Variants in TENM1 observed in about 807,000 individuals in gnomAD.
The protein encoded by TENM1 is teneurin-1.
A neutral mutation model predicts 174.8 loss-of-function variants in TENM1; 35 were observed. The ratio of observed to expected loss-of-function variants is 0.20; its 90% CI spans 0.15 to 0.27. TENM1 has a LOEUF of 0.27. Ranked by LOEUF, TENM1 falls within the 10% of genes least tolerant of loss-of-function variation. The probability of loss-of-function intolerance (pLI) is 1.00; values close to 1 mark genes in which losing one functional copy is unlikely to be tolerated. For synonymous variants in TENM1, 781 were observed against 798.7 expected (o/e 0.98, Z 0.37); for missense variants, 1,633 against 2,130.1 (o/e 0.77, Z 4.59).
At chrX:125,201,240 C>T in the TENM1 span, among the ~76,000 whole-genome samples, 1 of 112,285 alleles carries the variant, frequency 8.9e-6, no homozygotes, top group African/African-American at 3.2e-5. Context: ...GTTATTTACA[C>T]ATATAATAGC....
intron 18 of TENM1, among the ~76,000 whole-genome samples, chrX:124,510,322 A>G (rs1200860381): frequency 1.8e-5 from 2 of 112,658 alleles, no homozygotes; most frequent in African/African-American, 3.2e-5. Flanking sequence ...CTAAGGGGGA[A>G]GACCCGCAAT....
chrX:124,678,142 G>A (rs1184896290), intron 5 of TENM1, among the ~76,000 whole-genome samples: 1 of 110,784 alleles, frequency 9.0e-6, no homozygotes, highest in African/African-American at 3.3e-5. Flanking sequence ...ACCATGGCAG[G>A]TGTATTTACA....
At chrX:124,524,158 G>A (rs1381869386) in intron 16 of TENM1, among the ~76,000 whole-genome samples, 2 of 111,147 alleles carry the variant, frequency 1.8e-5, no homozygotes, top group Non-Finnish European at 3.8e-5. Flanking sequence ...TTACAGGTGT[G>A]AGCCACTGCG....
intron 3 of TENM1, among the ~76,000 whole-genome samples, chrX:124,828,931 T>C (rs2056229415): frequency 8.9e-6 from 1 of 112,420 alleles, no homozygotes; most frequent in African/African-American, 3.2e-5. Flanking sequence ...GATTAGAGTA[T>C]ATTTCCAGGA....
At chrX:124,896,513 T>C (rs1230996287) in intron 1 of TENM1, among the ~76,000 whole-genome samples, 2 of 111,593 alleles carry the variant, frequency 1.8e-5, no homozygotes, top group Non-Finnish European at 3.8e-5. Flanking sequence ...TTTCACAAAA[T>C]GTAATGAAAT....
intron 3 of TENM1, among the ~76,000 whole-genome samples, chrX:124,857,569 C>T (rs1440326064): frequency 9.0e-6 from 1 of 111,474 alleles, no homozygotes; most frequent in Non-Finnish European, 1.9e-5. Context: ...TAGATTAGTG[C>T]TACTTACAGT....
At chrX:124,992,452 C>T in the TENM1 span, among the ~76,000 whole-genome samples, 1 of 111,301 alleles carries the variant, frequency 9.0e-6, no homozygotes, top group Non-Finnish European at 1.9e-5. Flanking sequence ...CCATTCTCCC[C>T]GAAGACTAGT....
At chrX:124,889,635 T>G (rs1603263531) in intron 3 of TENM1, among the ~76,000 whole-genome samples, 1 of 111,028 alleles carries the variant, frequency 9.0e-6, no homozygotes, top group Admixed American at 9.6e-5. Flanking sequence ...ATTGTATTTC[T>G]TGTGGGTACC....
chrX:124,798,220 C>T (rs1240725246), intron 3 of TENM1, among the ~76,000 whole-genome samples: 1 of 111,417 alleles, frequency 9.0e-6, no homozygotes, highest in African/African-American at 3.3e-5. Context: ...AATGGGATTG[C>T]TGGGTCAAAT....
At chrX:124,698,694 A>G (rs1388758001) in intron 5 of TENM1, among the ~76,000 whole-genome samples, 1 of 111,521 alleles carries the variant, frequency 9.0e-6, no homozygotes, top group Non-Finnish European at 1.9e-5. Flanking sequence ...CCATGGCTTA[A>G]AATGCCTTCC....
chrX:124,711,721 A>AT (rs1398647383), intron 4 of TENM1, among the ~76,000 whole-genome samples: 2 of 112,370 alleles, frequency 1.8e-5, no homozygotes, highest in Non-Finnish European at 3.8e-5. Flanking sequence ...AGCATATGGC[A>AT]TAAAATTTCG....
chrX:124,452,211 G>A (rs1309927052), intron 23 of TENM1, among the ~76,000 whole-genome samples: 1 of 112,336 alleles, frequency 8.9e-6, no homozygotes, highest in Non-Finnish European at 1.9e-5. Flanking sequence ...GTGGGCAAAG[G>A]ATATGAACAG....
intron 28 of TENM1, 140 bp downstream of exon 31, chrX:124,391,912 C>G: frequency 1.9e-6 from 1 of 519,678 alleles, no homozygotes; most frequent in Non-Finnish European, 3.1e-6. Context: ...AGTTCAACAT[C>G]TTTTTGTTAC....
At chrX:124,720,223 C>T (rs1191741872) in intron 4 of TENM1, among the ~76,000 whole-genome samples, 2 of 111,905 alleles carry the variant, frequency 1.8e-5, no homozygotes, top group East Asian at 5.6e-4. Flanking sequence ...TAACATGCCT[C>T]GTTATATCCC....
At chrX:124,630,238 GA>G (rs901161982) in intron 11 of TENM1, among the ~76,000 whole-genome samples, 4 of 112,146 alleles carry the variant, frequency 3.6e-5, no homozygotes, top group African/African-American at 1.3e-4. Context: ...TGGTAAAAAA[GA>G]AAAAAACTGA....
In TENM1 at chrX:124,527,278, G is replaced by A. The variant is rs1445481758; in HGVS notation, c.2771+2586C>T. On this transcript the variant is annotated intron_variant, in intron 16 of 31. Transcript: ENST00000422452. ...TATCTAATCTCTTCATACTTTTAAAGGGCTCAGTCTTTCAACACCATCCTT... is the reference window on the plus strand; with the variant it reads ...TATCTAATCTCTTCATACTTTTAAAAGGCTCAGTCTTTCAACACCATCCTT... Among the ~76,000 whole-genome samples, 3 of 111,456 alleles carry A rather than the reference G, an allele frequency of 2.7e-5. 1 individual carries two copies. In the Admixed American group the frequency reaches 2.9e-4, roughly 11 times the overall value.
intron 10 of TENM1, among the ~76,000 whole-genome samples, chrX:124,643,171 A>C (rs1446865732): frequency 8.9e-6 from 1 of 112,191 alleles, no homozygotes; most frequent in African/African-American, 3.2e-5. Flanking sequence ...TTTCAGAAGA[A>C]GGCCATTTTG....
intron 4 of TENM1, among the ~76,000 whole-genome samples, chrX:124,711,636 A>T (rs1352389536): frequency 8.9e-6 from 1 of 111,856 alleles, no homozygotes; most frequent in Non-Finnish European, 1.9e-5. Context: ...ACCAAACCAT[A>T]TTTGGATAGC....
At chrX:124,667,831 G>A (rs1245376052) in intron 6 of TENM1, among the ~76,000 whole-genome samples, 3 of 109,552 alleles carry the variant, frequency 2.7e-5, no homozygotes, top group Non-Finnish European at 5.7e-5. Context: ...TAACTAAGTG[G>A]TGAGAAAATT....
Sources: gnomAD v4.1 joint callset for allele counts (sites outside exome capture counted in the v4.1 genomes callset) on GRCh38, gnomAD v4.1.1 for gene constraint, MANE v1.5 for transcripts, NCBI Gene and HGNC (gene_info 2026-07-23, HGNC 2026-07-21) for gene names.